Variants in DHX35 observed in about 807,000 individuals in gnomAD.
The protein encoded by DHX35 is DEAH-box helicase 35, also known as probable ATP-dependent RNA helicase DHX35.
Under a neutral mutation model 99.6 loss-of-function variants are expected in DHX35, and 84 were observed. The ratio of observed to expected loss-of-function variants is 0.84; its 90% CI spans 0.71 to 1.01. The LOEUF is 1.01. Among genes scored for constraint, DHX35 ranks in the 50% least tolerant of loss-of-function variants. The pLI, the probability that DHX35 is intolerant of heterozygous loss-of-function variation, is 0.00. For synonymous variants in DHX35, 331 were observed against 316.2 expected, an observed-to-expected ratio of 1.05 and a Z score of -0.50; for missense variants, 852 against 888.5, an observed-to-expected ratio of 0.96 and a Z score of 0.52.
intron 2 of DHX35, among the ~76,000 whole-genome samples, chr20:38,971,703 A>T (rs559418593): frequency 6.6e-6 from 1 of 152,330 alleles, no homozygotes; most frequent in South Asian, 2.1e-4. Context: ...CCTAAGAAGA[A>T]TGCAGTTACT....
At chr20:38,979,862 A>C (rs1457914674) in intron 3 of DHX35, among the ~76,000 whole-genome samples, 1 of 151,864 alleles carries the variant, frequency 6.6e-6, no homozygotes, top group Non-Finnish European at 1.5e-5. Flanking sequence ...TGTAAAAAAA[A>C]AAAACAAAAA....
intron 12 of DHX35, among the ~76,000 whole-genome samples, chr20:39,008,028 T>C (rs1020276342): frequency 6.6e-6 from 1 of 152,248 alleles, no homozygotes; most frequent in African/African-American, 2.4e-5. Flanking sequence ...AAATCCCTTA[T>C]GCTTTAAGCA....
Position 39,025,306 on chromosome 20 carries a change from A to C in DHX35, c.1748A>C (p.Glu583Ala). Reference sequence around the variant, plus strand: ...CTTGTCAGAGCTGCGACTGTAAGAGAACAATTGAAAAAGCTTCTTGTCAAG... The same window carrying C: ...CTTGTCAGAGCTGCGACTGTAAGAGCACAATTGAAAAAGCTTCTTGTCAAG... ...KGLVRAATVR[E>A]QLKKLLVKFQ... The change falls in exon 18 of 22, where the codon GAA (glutamate) becomes GCA (alanine). Residue 583 changes from glutamate to alanine, a missense_variant. Transcript: ENST00000252011. The C allele has an allele frequency of 6.2e-7, 1 of 1,613,796 alleles. No individual in the cohort carries two copies. Among genetic ancestry groups the C allele is most frequent in the Non-Finnish European group, 8.5e-7 (1 of 1,179,852 alleles).
chr20:39,004,069 T>C (rs2086571044), intron 11 of DHX35, among the ~76,000 whole-genome samples, 162 bp downstream of exon 11: 1 of 152,106 alleles, frequency 6.6e-6, no homozygotes, highest in East Asian at 1.9e-4. Flanking sequence ...TGTGAAGATT[T>C]CTTTTTTTTT....
chr20:38,997,583 G>A (rs908757149), intron 8 of DHX35, among the ~76,000 whole-genome samples: 6 of 152,206 alleles, frequency 3.9e-5, no homozygotes, highest in African/African-American at 1.4e-4. Flanking sequence ...TGGACCTCTG[G>A]TAAGCTGGGC....
intron 12 of DHX35, among the ~76,000 whole-genome samples, chr20:39,009,893 T>G (rs906220416): frequency 5.9e-5 from 9 of 152,202 alleles, no homozygotes; most frequent in Admixed American, 3.9e-4. Flanking sequence ...TTTTGGTGAT[T>G]TATCTTGAAA....
intron 8 of DHX35, among the ~76,000 whole-genome samples, chr20:38,999,848 G>C (rs1022911752): frequency 6.6e-6 from 1 of 152,206 alleles, no homozygotes; most frequent in Non-Finnish European, 1.5e-5. Flanking sequence ...CACTGCCCTT[G>C]TCTTGCCCAT....
chr20:38,969,877 C>G (rs1006322114), intron 2 of DHX35, among the ~76,000 whole-genome samples: 1 of 152,212 alleles, frequency 6.6e-6, no homozygotes, highest in Non-Finnish European at 1.5e-5. Context: ...GGCACATCCA[C>G]ATGGGAAGCC....
At chr20:38,997,268 A>G (rs989187460) in intron 8 of DHX35, among the ~76,000 whole-genome samples, 2 of 151,950 alleles carry the variant, frequency 1.3e-5, no homozygotes, top group African/African-American at 4.8e-5. Flanking sequence ...ATGGGGTCTC[A>G]TCATGTTGGC....
In DHX35 at chr20:39,002,831, A is replaced by C; in HGVS notation, c.815A>C (p.Glu272Ala). The C allele has an allele frequency of 6.2e-7, 1 of 1,614,210 alleles. No individual in the cohort carries two copies. The change falls in exon 10 of 22, where the codon GAG becomes GCG. Residue 272 changes from glutamate to alanine, a missense_variant. Physicochemically the swap from Glu to Ala is moderately radical, Grantham distance 107. Transcript: ENST00000252011. ...ACTGTGGTGAAAATTCACCAGACAG[A>C]GGGAGACGGAGACGTTTTAGCATTT... Reference protein sequence around the residue: ...VETVVKIHQTEGDGDVLAFLT... With the variant: ...VETVVKIHQTAGDGDVLAFLT...
intron 3 of DHX35, 151 bp downstream of exon 3, chr20:38,972,802 G>T (rs2086022989): frequency 1.7e-6 from 1 of 597,138 alleles, no homozygotes; most frequent in African/African-American, 1.9e-5. Context: ...AACTTTTAGG[G>T]CTTATAATTT....
intron 1 of DHX35, among the ~76,000 whole-genome samples, chr20:38,964,329 TG>T (rs539409295): frequency 1.3e-5 from 2 of 152,306 alleles, no homozygotes; most frequent in South Asian, 4.1e-4. Context: ...GGGTATATTT[TG>T]GGGTATGACA....
At chr20:39,022,315 C>T (rs570675685) in intron 16 of DHX35, among the ~76,000 whole-genome samples, 22 of 152,214 alleles carry the variant, frequency 1.4e-4, no homozygotes, top group African/African-American at 3.9e-4. Context: ...TGCTCCACCA[C>T]GCCCGGCTAA....
At chr20:39,013,822 T>G (rs1243539561) in intron 13 of DHX35, among the ~76,000 whole-genome samples, 1 of 152,228 alleles carries the variant, frequency 6.6e-6, no homozygotes, top group African/African-American at 2.4e-5. Context: ...CAATGGTGAT[T>G]TGTTGAATCC....
chr20:39,002,889 T>G, intron 10 of DHX35, 21 bp downstream of exon 10: 2 of 1,594,372 alleles, frequency 1.3e-6, no homozygotes, highest in Non-Finnish European at 1.7e-6. Flanking sequence ...TGTACTTCTC[T>G]GATGAATAGA....
At chr20:38,982,375 A>G (rs535134929) in intron 3 of DHX35, among the ~76,000 whole-genome samples, 58 of 152,294 alleles carry the variant, frequency 3.8e-4, no homozygotes, top group Admixed American at 7.2e-4. Flanking sequence ...ATATTTTTCC[A>G]TCATTCCTTA....
chr20:38,992,414 T>G lies in DHX35; in HGVS notation c.571T>G (p.Leu191Val). The G allele has an allele frequency of 1.2e-6, 2 of 1,614,094 alleles. No individual in the cohort carries two copies. Among genetic ancestry groups the G allele is most frequent in the Non-Finnish European group, 1.7e-6 (2 of 1,179,956 alleles). Residue 191 changes from leucine to valine, a missense_variant, in exon 7 of 22, where the codon TTG (leucine) becomes GTG (valine). Leu to Val is a conservative substitution (Grantham distance 32, BLOSUM62 1). Transcript: ENST00000252011. ...RTLYTDIAIG[L>V]LKKIQKKRGD... is the part of the protein sequence containing the mutation. Reference sequence around the variant, plus strand: ...CTTGTACACTGACATTGCCATTGGCTTGCTAAAAAAGGTATGACTTCACTG... The same window carrying G: ...CTTGTACACTGACATTGCCATTGGCGTGCTAAAAAAGGTATGACTTCACTG...
intron 3 of DHX35, among the ~76,000 whole-genome samples, chr20:38,972,967 G>A (rs186848674): frequency 1.4e-4 from 21 of 152,228 alleles, no homozygotes; most frequent in African/African-American, 4.8e-4. Flanking sequence ...GAAGGGGTGG[G>A]GTAAAATGAA....
At chr20:39,037,834 A>G (rs2087180083) in intron 21 of DHX35, among the ~76,000 whole-genome samples, 1 of 152,232 alleles carries the variant, frequency 6.6e-6, no homozygotes, top group Non-Finnish European at 1.5e-5. Context: ...AATGTAAAAA[A>G]TACTTCATTT....
Sources: gnomAD v4.1 joint callset for allele counts (sites outside exome capture counted in the v4.1 genomes callset) on GRCh38, gnomAD v4.1.1 for gene constraint, MANE v1.5 for transcripts, NCBI Gene and HGNC (gene_info 2026-07-23, HGNC 2026-07-21) for gene names.